Variants in SYTL3 observed in about 807,000 individuals in gnomAD.
SYTL3 encodes synaptotagmin-like protein 3.
SYTL3 carries 88 observed loss-of-function variants against 82.1 expected under a neutral mutation model. The ratio of observed to expected loss-of-function variants is 1.07; its 90% CI spans 0.90 to 1.28. SYTL3 has a LOEUF of 1.28. Among genes scored for constraint, SYTL3 ranks in the 50% most tolerant of loss-of-function variants. The probability of loss-of-function intolerance (pLI) is 0.00; values close to 1 mark genes in which losing one functional copy is unlikely to be tolerated. For missense variants in SYTL3, 831 were observed against 757.6 expected (o/e 1.10, Z -1.14); for synonymous variants, 311 against 289.4 (o/e 1.07, Z -0.76).
At chr6:158,660,348 C>G (rs569693500) in intron 2 of SYTL3, among the ~76,000 whole-genome samples, 280 of 152,312 alleles carry the variant, frequency 1.8e-3, no homozygotes, top group African/African-American at 6.4e-3. Flanking sequence ...TACTGAATGA[C>G]TGGATGAATG....
intron 5 of SYTL3, 150 bp from the exon 6 acceptor site, chr6:158,682,775 T>G: frequency 1.6e-6 from 1 of 611,310 alleles, no homozygotes. Context: ...ATGGGGAATC[T>G]GTAAATTTAA....
At chr6:158,753,899 T>G (rs1270707008) in intron 13 of SYTL3, among the ~76,000 whole-genome samples, 6 of 151,804 alleles carry the variant, frequency 4.0e-5, no homozygotes, top group East Asian at 1.9e-4. Context: ...ATTAAAATAA[T>G]CGGCATCTCT....
chr6:158,722,762 G>GTTTTTTTTTTTTTTT (rs34189391), intron 10 of SYTL3, among the ~76,000 whole-genome samples: 4 of 80,878 alleles, frequency 4.9e-5, no homozygotes, highest in African/African-American at 1.6e-4. Flanking sequence ...TCTCTTTTCT[G>GTTTTTTTTTTTTTTT]TTTTTTTTTT....
At chr6:158,675,796 AT>A (rs1304546745) in intron 5 of SYTL3, among the ~76,000 whole-genome samples, 2 of 152,068 alleles carry the variant, frequency 1.3e-5, no homozygotes, top group African/African-American at 4.8e-5. Flanking sequence ...AAATACAAAA[AT>A]AAATTAGCCG....
intron 10 of SYTL3, among the ~76,000 whole-genome samples, chr6:158,723,290 C>G (rs1033297647): frequency 6.6e-6 from 1 of 151,618 alleles, no homozygotes; most frequent in Non-Finnish European, 1.5e-5. Context: ...CCGTGTTAGC[C>G]AGGTCTCAAT....
At chr6:158,721,029 T>A (rs1242966744) in intron 10 of SYTL3, among the ~76,000 whole-genome samples, 2 of 152,098 alleles carry the variant, frequency 1.3e-5, no homozygotes, top group African/African-American at 4.8e-5. Context: ...TCTGAAGGGC[T>A]AAGGGAGCTC....
intron 8 of SYTL3, 142 bp from the exon 9 acceptor site, chr6:158,713,658 C>T: frequency 1.5e-6 from 1 of 669,006 alleles, no homozygotes; most frequent in Non-Finnish European, 2.7e-6. Flanking sequence ...CACCCATGCC[C>T]ACCTGCACCC....
intron 5 of SYTL3, among the ~76,000 whole-genome samples, chr6:158,670,775 C>G (rs1368786467): frequency 6.7e-6 from 1 of 148,562 alleles, no homozygotes; most frequent in East Asian, 2.0e-4. Context: ...GACTCAATCT[C>G]AAAAAAAAGA....
intron 10 of SYTL3, among the ~76,000 whole-genome samples, 182 bp from the exon 11 acceptor site, chr6:158,725,321 G>A (rs1438573359): frequency 6.6e-6 from 1 of 151,750 alleles, no homozygotes; most frequent in Non-Finnish European, 1.5e-5. Context: ...TGTGGTGTGT[G>A]TGTGCGTGTG....
chr6:158,760,630 T>A lies in SYTL3; in HGVS notation c.1309-10T>A. The A allele has an allele frequency of 6.2e-7, 1 of 1,612,152 alleles. No homozygotes were observed. The highest frequency in any genetic ancestry group is 8.5e-7 in the Non-Finnish European group (1 of 1,178,314). On this transcript the variant is annotated splice_polypyrimidine_tract_variant and intron_variant, in intron 14 of 17. Coordinates refer to ENST00000611299, the MANE Select transcript of SYTL3 (RefSeq NM_001242394.2). ...GAATCCTGTCCCTAAGCTCTGCCTC[T>A]TGTCCCCAGGCGGAGAAATACGAAG... is the stretch of plus-strand genomic sequence containing the variant.
intron 4 of SYTL3, among the ~76,000 whole-genome samples, chr6:158,663,811 A>C (rs956411219): frequency 3.9e-5 from 6 of 152,128 alleles, no homozygotes; most frequent in African/African-American, 1.4e-4. Context: ...CACAAGCAGC[A>C]ACTCTGATGG....
At chr6:158,646,645 G>T (rs1420953000), upstream of SYTL3, among the ~76,000 whole-genome samples, 2 of 152,186 alleles carry the variant, frequency 1.3e-5, no homozygotes, top group South Asian at 4.1e-4. Flanking sequence ...TGGGTGTTCG[G>T]CCTGAGCGAG....
chr6:158,680,801 T>C (rs1190526400), intron 5 of SYTL3, among the ~76,000 whole-genome samples: 1 of 152,182 alleles, frequency 6.6e-6, no homozygotes, highest in Non-Finnish European at 1.5e-5. Context: ...TTCCTTGTTC[T>C]AGTCACTAAG....
chr6:158,725,432 A>C (rs1784602116), intron 10 of SYTL3, 71 bp from the exon 11 acceptor site: 2 of 1,551,692 alleles, frequency 1.3e-6, no homozygotes, highest in Non-Finnish European at 1.8e-6. Flanking sequence ...TGCTTGCTGA[A>C]GTCACCACAT....
chr6:158,730,025 G>A (rs1785210769), intron 11 of SYTL3, among the ~76,000 whole-genome samples: 1 of 152,168 alleles, frequency 6.6e-6, no homozygotes, highest in Non-Finnish European at 1.5e-5. Flanking sequence ...AAAGGAATAA[G>A]TACATTCTGT....
At chr6:158,714,312 A>G (rs1022738433) in intron 9 of SYTL3, among the ~76,000 whole-genome samples, 1 of 152,024 alleles carries the variant, frequency 6.6e-6, no homozygotes, top group Non-Finnish European at 1.5e-5. Context: ...AGATCACGCC[A>G]CTGGACTCCA....
chr6:158,657,424 T>G (rs1346840034), intron 2 of SYTL3, among the ~76,000 whole-genome samples: 1 of 25,538 alleles, frequency 3.9e-5, no homozygotes. Flanking sequence ...AGACTCTGGC[T>G]CAAAAAAAAA....
At chr6:158,721,978 A>G (rs563030090) in intron 10 of SYTL3, among the ~76,000 whole-genome samples, 1 of 152,078 alleles carries the variant, frequency 6.6e-6, no homozygotes, top group African/African-American at 2.4e-5. Context: ...GCAATTACAC[A>G]TGCCTTAGCT....
chr6:158,684,874 A>C (rs1451742517), intron 6 of SYTL3, among the ~76,000 whole-genome samples: 1 of 151,150 alleles, frequency 6.6e-6, no homozygotes, highest in Non-Finnish European at 1.5e-5. Flanking sequence ...AAAAACTAAT[A>C]CTAAGGGTCA....
Sources: allele counts gnomAD v4.1 joint callset (sites outside exome capture counted in the v4.1 genomes callset), GRCh38; gene constraint gnomAD v4.1.1; transcripts MANE v1.5; gene names NCBI Gene and HGNC (gene_info 2026-07-23, HGNC 2026-07-21).